Variants in TRAF6 observed in about 807,000 individuals in gnomAD.
TRAF6 encodes TNF receptor associated factor 6.
A neutral mutation model predicts 48.4 loss-of-function variants in TRAF6; 10 were observed. The ratio of observed to expected loss-of-function variants is 0.21; its 90% CI spans 0.13 to 0.35. The LOEUF is 0.35. Among genes scored for constraint, TRAF6 ranks in the 10% least tolerant of loss-of-function variants. TRAF6 has a pLI of 1.00. For synonymous variants in TRAF6, 186 were observed against 219.6 expected, an observed-to-expected ratio of 0.85 and a Z score of 1.35; for missense variants, 397 against 661.0, an observed-to-expected ratio of 0.60 and a Z score of 4.38.
chr11:36,498,050 A>G (rs1183875454), intron 3 of TRAF6, among the ~76,000 whole-genome samples: 1 of 151,768 alleles, frequency 6.6e-6, no homozygotes, highest in Admixed American at 6.6e-5. Context: ...ATGCCTGGCT[A>G]ATTTTTGTAT....
chr11:36,507,063 T>C (rs1307941210), intron 1 of TRAF6, among the ~76,000 whole-genome samples: 1 of 150,920 alleles, frequency 6.6e-6, no homozygotes, highest in African/African-American at 2.4e-5. Flanking sequence ...AAAAAGTGCT[T>C]TGTATATATA....
chr11:36,490,417 G>A lies in TRAF6; in HGVS notation c.990C>T (p.Leu330=), dbSNP rs539301101. The A allele has an allele frequency of 3.7e-6, 6 of 1,614,054 alleles. No individual in the cohort carries two copies. In the African/African-American group the frequency reaches 4.0e-5, roughly 11 times the overall value. The change falls in exon 7 of 7, where the codon CTC becomes CTT. Residue 330 remains leucine, a synonymous_variant. Transcript: ENST00000526995. This position sits in a 1 kb window ranked among gnomAD's most constrained non-coding sequence, Gnocchi z 6.4. ...METQSMYVSE[L]KRTIRTLEDK... is the part of the protein sequence containing the mutation. ...CCTCAAGGGTTCGAATGGTTCGTTT[G>A]AGCTCACTTACATACATACTCTGAG...
intron 2 of TRAF6, among the ~76,000 whole-genome samples, chr11:36,499,197 T>C (rs533017440): frequency 2.6e-4 from 40 of 152,266 alleles, no homozygotes; most frequent in African/African-American, 7.9e-4. Flanking sequence ...ATGTCTAGGG[T>C]CCAATGTTAC....
At chr11:36,492,736 G>C in intron 5 of TRAF6, 108 bp from the exon 6 acceptor site, 1 of 824,980 alleles carries the variant, frequency 1.2e-6, no homozygotes, top group Admixed American at 2.3e-5. Flanking sequence ...TACCACATTG[G>C]CAGTTGAATA....
At chr11:36,497,303 C>CTCTGAAG in intron 3 of TRAF6, 37 bp from the exon 4 acceptor site, 1 of 1,580,744 alleles carries the variant, frequency 6.3e-7, no homozygotes. Flanking sequence ...CATTAGCCAA[C>CTCTGAAG]TCTGAAGTCT....
rs1859444284 is a variant in TRAF6, at chr11:36,483,873, T to C, written c.*5965A>G. 5.9e-5 allele frequency among the ~76,000 whole-genome samples: 9 copies of C among 152,216 alleles called. No individual in the cohort carries two copies. Among genetic ancestry groups the C allele is most frequent in the Admixed American group, 5.9e-4 (9 of 15,274 alleles). On this transcript the variant is annotated 3_prime_UTR_variant, in exon 7 of 7. Transcript: ENST00000526995. Reference sequence around the variant, plus strand: ...AGTAACAGTGCGGAGGGGGTAAGTATGTCAGTCTGGCATGTTTTCTTCTAA... The same window carrying C: ...AGTAACAGTGCGGAGGGGGTAAGTACGTCAGTCTGGCATGTTTTCTTCTAA...
intron 5 of TRAF6, 32 bp from the exon 6 acceptor site, chr11:36,492,660 T>G: frequency 4.4e-4 from 644 of 1,463,290 alleles, no homozygotes; most frequent in Non-Finnish European, 5.6e-4. Flanking sequence ...GAAAAATCTC[T>G]TCCTTGCATA....
At chr11:36,503,643 A>G (rs1220715179) in intron 1 of TRAF6, among the ~76,000 whole-genome samples, 3 of 152,184 alleles carry the variant, frequency 2.0e-5, no homozygotes, top group Admixed American at 6.5e-5. Context: ...TGGCCTTGCT[A>G]TATCTGATGT....
At chr11:36,491,930 C>G (rs1168477306) in intron 6 of TRAF6, among the ~76,000 whole-genome samples, 2 of 152,050 alleles carry the variant, frequency 1.3e-5, no homozygotes, top group Admixed American at 1.3e-4. Context: ...TTTTTTTAAA[C>G]TCTACCTCCA....
Position 36,494,592 on chromosome 11 carries a change from A to ATC in TRAF6, c.678+382_678+383dup, listed in dbSNP as rs5030468. Among the ~76,000 whole-genome samples the ATC allele has an allele frequency of 4.9e-3, 743 of 152,002 alleles. 8 individuals are homozygous for ATC. Among genetic ancestry groups the ATC allele is most frequent in the African/African-American group, 0.017 (692 of 41,446 alleles). ...CTGTTCCCTCTTATTCTTTCAGCCA[A>ATC]TCTCTGGACACTTGAGATCCTCATT... On this transcript the variant is annotated intron_variant, in intron 5 of 6. Coordinates refer to ENST00000526995, the MANE Select transcript of TRAF6 (RefSeq NM_004620.4).
At chr11:36,491,676 T>G (rs1859565925) in intron 6 of TRAF6, among the ~76,000 whole-genome samples, 1 of 152,158 alleles carries the variant, frequency 6.6e-6, no homozygotes, top group Non-Finnish European at 1.5e-5. Flanking sequence ...TTTGCCTGGT[T>G]CATCTGTTTC....
chr11:36,495,272 G>A (rs76834869), intron 4 of TRAF6, among the ~76,000 whole-genome samples: 2 of 152,116 alleles, frequency 1.3e-5, no homozygotes, highest in African/African-American at 4.8e-5. Context: ...AAAGAGCAGG[G>A]TAGTATATAA....
rs1366283272 is a variant in TRAF6 at position 36,484,238 on chromosome 11, C to T, written c.*5600G>A. ...TCAAATCTGGATAATTCCTTTAATC[C>T]CTTCCTTCAATACAACCTGCTCTTA... On this transcript the variant is annotated 3_prime_UTR_variant, in exon 7 of 7. Coordinates refer to ENST00000526995, the MANE Select transcript of TRAF6 (RefSeq NM_004620.4). Among the ~76,000 whole-genome samples, 1 of 152,144 alleles carries T rather than the reference C, an allele frequency of 6.6e-6. No individual in the cohort carries two copies. The highest frequency in any genetic ancestry group is 2.4e-5 in the African/African-American group (1 of 41,412).
rs1490392213 is a variant in TRAF6, at chr11:36,484,286, C to A, written c.*5552G>T. On this transcript the variant is annotated 3_prime_UTR_variant, in exon 7 of 7. Transcript: ENST00000526995. Reference sequence around the variant, plus strand: ...TTAAAACTGAACACTGATTTTCATTCTTTTCATGATTAGTGTTTCCCCACC... The same window carrying A: ...TTAAAACTGAACACTGATTTTCATTATTTTCATGATTAGTGTTTCCCCACC... 6.6e-6 allele frequency among the ~76,000 whole-genome samples: 1 copy of A among 152,196 alleles called. No homozygotes were observed. The highest frequency in any genetic ancestry group is 1.5e-5 in the Non-Finnish European group (1 of 68,042).
chr11:36,485,356 G>C lies in TRAF6; in HGVS notation c.*4482C>G, dbSNP rs1859467089. Among the ~76,000 whole-genome samples the C allele has an allele frequency of 6.6e-6, 1 of 152,172 alleles. No individual in the cohort carries two copies. Among genetic ancestry groups the C allele is most frequent in the South Asian group, 2.1e-4 (1 of 4,832 alleles). On this transcript the variant is annotated 3_prime_UTR_variant, in exon 7 of 7. Coordinates refer to ENST00000526995, the MANE Select transcript of TRAF6 (RefSeq NM_004620.4). ...AACGTGCCAGGCACTGTGGTAAGAA[G>C]AGGGGATTCAGCAGCAACCAGAACA...
chr11:36,492,285 G>C (rs1460132054), intron 6 of TRAF6, among the ~76,000 whole-genome samples: 1 of 152,062 alleles, frequency 6.6e-6, no homozygotes, highest in Non-Finnish European at 1.5e-5. Flanking sequence ...CTTTCTCACT[G>C]GTCTTCTCTC....
At chr11:36,507,783 T>C (rs1406560644) in intron 1 of TRAF6, among the ~76,000 whole-genome samples, 1 of 141,344 alleles carries the variant, frequency 7.1e-6, no homozygotes. Flanking sequence ...TACAAATATA[T>C]GTATATATTA....
intron 1 of TRAF6, among the ~76,000 whole-genome samples, chr11:36,503,975 A>G (rs957810918): frequency 4.6e-5 from 7 of 152,236 alleles, no homozygotes; most frequent in Admixed American, 6.5e-5. Flanking sequence ...ACAGTAGTCT[A>G]TTAAGTGTGC....
Position 36,484,785 on chromosome 11 carries a change from A to G in TRAF6, c.*5053T>C, listed in dbSNP as rs1859459147. 6.6e-6 allele frequency among the ~76,000 whole-genome samples: 1 copy of G among 152,218 alleles called. No homozygotes were observed. The highest frequency in any genetic ancestry group is 2.4e-5 in the African/African-American group (1 of 41,460). ...AGGCCCCAAATTACATTCTCACCACAGAAATTAGATAATTTATCAAGTGCA... is the reference window on the plus strand; with the variant it reads ...AGGCCCCAAATTACATTCTCACCACGGAAATTAGATAATTTATCAAGTGCA... On this transcript the variant is annotated 3_prime_UTR_variant, in exon 7 of 7. Coordinates refer to ENST00000526995, the MANE Select transcript of TRAF6 (RefSeq NM_004620.4).
Sources: allele counts gnomAD v4.1 joint callset (sites outside exome capture counted in the v4.1 genomes callset), GRCh38; gene constraint gnomAD v4.1.1; non-coding constraint Gnocchi (gnomAD v3.1); transcripts MANE v1.5; gene names NCBI Gene and HGNC (gene_info 2026-07-23, HGNC 2026-07-21).